The following PTH2R variants were observed in gnomAD, a reference collection of about 807,000 sequenced individuals.
PTH2R encodes the protein PTH2 receptor.
PTH2R carries 59 observed loss-of-function variants against 60.3 expected under a neutral mutation model. The ratio of observed to expected loss-of-function variants is 0.98; its 90% CI spans 0.79 to 1.22. PTH2R has a LOEUF of 1.22. Ranked by LOEUF, PTH2R falls within the 50% of genes most tolerant of loss-of-function variation. The probability of loss-of-function intolerance (pLI) is 0.00; values close to 1 mark genes in which losing one functional copy is unlikely to be tolerated. For synonymous variants in PTH2R, 256 were observed against 243.8 expected, an observed-to-expected ratio of 1.05 and a Z score of -0.47; for missense variants, 749 against 682.6, an observed-to-expected ratio of 1.10 and a Z score of -1.08.
chr2:208,482,267 T>C (rs137951149), intron 10 of PTH2R, among the ~76,000 whole-genome samples: 1,785 of 152,274 alleles, frequency 0.012, 35 homozygotes, highest in African/African-American at 0.041. Flanking sequence ...GCTCTCTCTT[T>C]GTTCCCAGGC....
chr2:208,363,493 T>C (rs1700518534), intron 1 of PTH2R, among the ~76,000 whole-genome samples: 2 of 152,210 alleles, frequency 1.3e-5, no homozygotes, highest in Non-Finnish European at 1.5e-5. Flanking sequence ...GCATGTGTCT[T>C]TGTGGCAGAA....
intron 11 of PTH2R, 104 bp from the exon 12 acceptor site, chr2:208,490,535 G>C: frequency 1.0e-6 from 1 of 968,766 alleles, no homozygotes; most frequent in Non-Finnish European, 1.6e-6. Flanking sequence ...TTCTCTGAAG[G>C]AATCATAAAA....
intron 9 of PTH2R, among the ~76,000 whole-genome samples, chr2:208,467,423 C>T (rs1486994459): frequency 6.6e-6 from 1 of 152,186 alleles, no homozygotes; most frequent in Non-Finnish European, 1.5e-5. Context: ...GTGTGCACTA[C>T]ACGCAATCTG....
At chr2:208,378,084 T>C (rs1049050852) in intron 1 of PTH2R, among the ~76,000 whole-genome samples, 4 of 152,036 alleles carry the variant, frequency 2.6e-5, no homozygotes, top group African/African-American at 7.2e-5. Flanking sequence ...CTGGGCAACA[T>C]TGAGCACTGA....
At chr2:208,472,528 A>T (rs916701672) in intron 9 of PTH2R, among the ~76,000 whole-genome samples, 2 of 152,064 alleles carry the variant, frequency 1.3e-5, no homozygotes, top group Admixed American at 1.3e-4. Flanking sequence ...AGATCTGATG[A>T]TTATATAAGG....
chr2:208,442,220 T>A, intron 4 of PTH2R, 144 bp from the exon 5 acceptor site: 2 of 643,384 alleles, frequency 3.1e-6, no homozygotes, highest in Non-Finnish European at 5.4e-6. Context: ...TCACTCCAGA[T>A]CTCTACATTT....
At position 208,428,218 on chromosome 2, in the gene PTH2R, C is replaced by T; in HGVS notation, c.93C>T (p.Thr31=). The T allele has an allele frequency of 1.2e-6, 2 of 1,611,554 alleles. No homozygotes were observed. Among genetic ancestry groups the T allele is most frequent in the Non-Finnish European group, 1.7e-6 (2 of 1,178,404 alleles). ...TTCTACAGCTGGATTCTGATGGCAC[C>T]ATTACTATAGAGGAGCAGATTGTCC... ...LARAQLDSDG[T]ITIEEQIVLV... is the part of the protein sequence containing the mutation. The change falls in exon 2 of 13, where the codon ACC becomes ACT. Residue 31 remains threonine, a synonymous_variant. Coordinates refer to ENST00000272847, the MANE Select transcript of PTH2R (RefSeq NM_005048.4).
intron 1 of PTH2R, among the ~76,000 whole-genome samples, chr2:208,371,428 A>C (rs1700699238): frequency 1.3e-5 from 2 of 152,092 alleles, no homozygotes; most frequent in South Asian, 4.1e-4. Flanking sequence ...TTTCTCACTG[A>C]AGCCTCAGTT....
At chr2:208,367,087 A>G (rs1050434469) in intron 1 of PTH2R, among the ~76,000 whole-genome samples, 3 of 148,362 alleles carry the variant, frequency 2.0e-5, no homozygotes, top group Admixed American at 2.0e-4. Flanking sequence ...GCTCAATTAA[A>G]CTTCTTTAAT....
intron 9 of PTH2R, among the ~76,000 whole-genome samples, chr2:208,475,119 T>C (rs1409070183): frequency 6.6e-6 from 1 of 152,198 alleles, no homozygotes; most frequent in Non-Finnish European, 1.5e-5. Context: ...TCTTTGGAGA[T>C]GCTGTAAAGT....
intron 7 of PTH2R, among the ~76,000 whole-genome samples, chr2:208,450,116 T>G (rs1702373600): frequency 6.6e-6 from 1 of 152,218 alleles, no homozygotes; most frequent in Non-Finnish European, 1.5e-5. Context: ...GGATTTGATG[T>G]TACAAGCCCA....
chr2:208,449,453 A>AG (rs5838125), intron 7 of PTH2R, among the ~76,000 whole-genome samples: 134,747 of 151,086 alleles, frequency 0.89, 60,081 homozygotes, highest in East Asian at 0.99. Context: ...ATAGATAGAT[A>AG]AATAGATAGA....
chr2:208,452,673 C>T (rs746628865), intron 8 of PTH2R, among the ~76,000 whole-genome samples: 2 of 152,090 alleles, frequency 1.3e-5, no homozygotes, highest in Non-Finnish European at 2.9e-5. Flanking sequence ...AGATAATTAC[C>T]AGAACATTGG....
At chr2:208,492,364 G>A (rs1013639698) in intron 12 of PTH2R, among the ~76,000 whole-genome samples, 16 of 152,188 alleles carry the variant, frequency 1.1e-4, no homozygotes, top group African/African-American at 3.9e-4. Context: ...ACTACTGACA[G>A]CAGGGGAAAG....
chr2:208,372,851 G>A (rs1700726404), intron 1 of PTH2R, among the ~76,000 whole-genome samples: 1 of 152,072 alleles, frequency 6.6e-6, no homozygotes, highest in South Asian at 2.1e-4. Context: ...TTGGGAGGCT[G>A]AGACAGGTGG....
upstream of PTH2R, among the ~76,000 whole-genome samples, chr2:208,403,597 T>C (rs765592890): frequency 1.1e-4 from 17 of 152,200 alleles, no homozygotes; most frequent in Non-Finnish European, 2.4e-4. Context: ...AATGACAGGA[T>C]GGTGTTCAGT....
intron 1 of PTH2R, among the ~76,000 whole-genome samples, chr2:208,417,751 C>T (rs1162589127): frequency 6.6e-6 from 1 of 151,742 alleles, no homozygotes; most frequent in African/African-American, 2.4e-5. Context: ...AGGAGGAGAA[C>T]ATCATTAGAA....
Position 208,386,261 on chromosome 2 carries a change from T to TCTGTTTGTG in PTH2R, c.-259+26028_-259+26029insTTGTGCTGT, listed in dbSNP as rs1241471851. ...ATTGATACGTGTATACATCTGTCAC[T>TCTGTTTGTG]CTGTGTTTGTGCTGTGATGGATGGA... On this transcript the variant is annotated intron_variant, in intron 1 of 12. Transcript: ENST00000617735. 4.6e-5 allele frequency among the ~76,000 whole-genome samples: 7 copies of TCTGTTTGTG among 152,310 alleles called. No homozygotes were observed. The East Asian group carries it at 1.4e-3, about 29-fold the overall frequency.
chr2:208,367,999 T>C (rs1445610349), intron 1 of PTH2R, among the ~76,000 whole-genome samples: 1 of 124,156 alleles, frequency 8.1e-6, no homozygotes, highest in Non-Finnish European at 1.7e-5. Context: ...ATGCCTTGAA[T>C]CAATTTTATT....
Sources: gnomAD v4.1 joint callset for allele counts (sites outside exome capture counted in the v4.1 genomes callset) on GRCh38, gnomAD v4.1.1 for gene constraint, MANE v1.5 for transcripts, NCBI Gene and HGNC (gene_info 2026-07-23, HGNC 2026-07-21) for gene names.